Variants in PRR5 observed in about 807,000 individuals in gnomAD.
The protein encoded by PRR5 is proline-rich protein 5.
PRR5 carries 25 observed loss-of-function variants against 30.6 expected under a neutral mutation model. That is an observed-to-expected ratio of 0.82 (90% CI 0.60 to 1.14). PRR5 has a LOEUF of 1.14. Among genes scored for constraint, PRR5 ranks in the 50% most tolerant of loss-of-function variants. The probability of loss-of-function intolerance (pLI) is 0.00; values close to 1 mark genes in which losing one functional copy is unlikely to be tolerated. For missense variants in PRR5, 600 were observed against 547.1 expected (o/e 1.10, Z -0.96); for synonymous variants, 286 against 247.1 (o/e 1.16, Z -1.48).
chr22:44,702,746 TTGCCCCGCCGGA>T (rs1926540748), intron 1 of PRR5, 138 bp downstream of exon 1: 13 of 1,188,942 alleles, frequency 1.1e-5, no homozygotes, highest in East Asian at 1.0e-4. Context: ...TGCAAAGAAC[TTGCCCCGCCGGA>T]GTGGTGCGGG....
chr22:44,692,476 GGGGCTCCTCCTCCCA>G (rs1382013318), intron 1 of PRR5, among the ~76,000 whole-genome samples: 1 of 118,060 alleles, frequency 8.5e-6, no homozygotes, highest in Non-Finnish European at 1.8e-5. Context: ...CTTCCTCCCG[GGGGCTCCTCCTCCCA>G]GGGCTCCTCC....
At chr22:44,736,739 C>G in intron 7 of PRR5, 33 bp from the exon 8 acceptor site, 3 of 1,522,330 alleles carry the variant, frequency 2.0e-6, no homozygotes, top group Non-Finnish European at 2.6e-6. Context: ...CCCAGGTGGC[C>G]TCTGGTGTGA....
chr22:44,703,214 G>A lies in PRR5; in HGVS notation c.134+606G>A, dbSNP rs946581257. Reference sequence around the variant, plus strand: ...CCAGCTTTGTTTGAGGAGCAAGTCCGGGATCTGGAAAAGAGACGGTTTATT... The same window carrying A: ...CCAGCTTTGTTTGAGGAGCAAGTCCAGGATCTGGAAAAGAGACGGTTTATT... On this transcript the variant is annotated intron_variant, in intron 1 of 7. Transcript: ENST00000336985. Among the ~76,000 whole-genome samples the A allele has an allele frequency of 3.4e-4, 52 of 152,266 alleles. 1 individual carries two copies. Among genetic ancestry groups the A allele is most frequent in the African/African-American group, 1.2e-3 (51 of 41,542 alleles).
At chr22:44,729,217 G>A (rs1230972759) in intron 4 of PRR5, 1 of 834,070 alleles carries the variant, frequency 1.2e-6, no homozygotes, top group Non-Finnish European at 1.4e-6. Context: ...AGACACCCTT[G>A]ACCTGGTCCA....
chr22:44,688,833 C>A (rs1426381082), intron 1 of PRR5, among the ~76,000 whole-genome samples: 1 of 152,048 alleles, frequency 6.6e-6, no homozygotes, highest in Non-Finnish European at 1.5e-5. Context: ...CCTAAAAATA[C>A]AAAAATTAGC....
In PRR5 at chr22:44,709,072, C is replaced by T. The variant is rs186502104; in HGVS notation, c.135-5519C>T. Among the ~76,000 whole-genome samples the T allele has an allele frequency of 1.9e-3, 277 of 147,154 alleles. 1 individual carries two copies. The highest frequency in any genetic ancestry group is 6.5e-3 in the African/African-American group (243 of 37,322). Reference sequence around the variant, plus strand: ...TTCAACCCAGGTCTCACCGGGAGCACGTGCTCATGGGGGTCTCTGAAGGCC... The same window carrying T: ...TTCAACCCAGGTCTCACCGGGAGCATGTGCTCATGGGGGTCTCTGAAGGCC... On this transcript the variant is annotated intron_variant, in intron 1 of 7. Coordinates refer to ENST00000336985, the MANE Select transcript of PRR5 (RefSeq NM_181333.4).
At chr22:44,710,340 G>A (rs1927994208) in intron 1 of PRR5, among the ~76,000 whole-genome samples, 1 of 152,134 alleles carries the variant, frequency 6.6e-6, no homozygotes, top group South Asian at 2.1e-4. Context: ...TTGGCCTCAG[G>A]AGGACTTACC....
chr22:44,732,666 C>T (rs1252725437), intron 6 of PRR5, among the ~76,000 whole-genome samples: 3 of 152,162 alleles, frequency 2.0e-5, no homozygotes, highest in Admixed American at 2.0e-4. Context: ...ACCCCCAGCA[C>T]GCACACGCAC....
intron 1 of PRR5, among the ~76,000 whole-genome samples, chr22:44,708,405 G>A (rs892198434): frequency 6.6e-6 from 1 of 151,994 alleles, no homozygotes; most frequent in African/African-American, 2.4e-5. Flanking sequence ...CCATAGCTAG[G>A]GTCAGAGCAC....
At chr22:44,677,173 G>A (rs1923835291) in exon 1 of PRR5, 1 of 152,390 alleles carries the variant, frequency 6.6e-6, no homozygotes. Context: ...GAGACCCGTG[G>A]GCTGGGATTC....
intron 7 of PRR5, 125 bp from the exon 8 acceptor site, chr22:44,736,647 C>A: frequency 6.9e-7 from 1 of 1,442,720 alleles, no homozygotes; most frequent in Non-Finnish European, 9.1e-7. Flanking sequence ...CTGAGCCGGG[C>A]CCCGGGTCGG....
At chr22:44,704,831 A>T (rs1229024884) in intron 1 of PRR5, among the ~76,000 whole-genome samples, 1 of 152,020 alleles carries the variant, frequency 6.6e-6, no homozygotes, top group African/African-American at 2.4e-5. Context: ...TCCCCAGCAG[A>T]TGTGGGAGAT....
chr22:44,675,762 GTTATTATTATTATTA>G (rs150864660), upstream of PRR5, among the ~76,000 whole-genome samples: 2 of 142,962 alleles, frequency 1.4e-5, no homozygotes, highest in African/African-American at 5.1e-5. Flanking sequence ...TGTTGCTGTT[GTTATTATTATTATTA>G]TTATTATTAT....
intron 1 of PRR5, among the ~76,000 whole-genome samples, chr22:44,693,385 G>C (rs1925453890): frequency 6.6e-6 from 1 of 151,960 alleles, no homozygotes; most frequent in Non-Finnish European, 1.5e-5. Context: ...CCTGAGCCCA[G>C]GAGGTCAAGG....
chr22:44,711,134 G>A (rs1010504692), intron 1 of PRR5, among the ~76,000 whole-genome samples: 3 of 152,204 alleles, frequency 2.0e-5, no homozygotes, highest in East Asian at 1.9e-4. Flanking sequence ...AGGGAAGGGC[G>A]TGCCATGGCG....
Position 44,702,485 on chromosome 22 carries a change from T to G in PRR5, c.11T>G (p.Leu4Arg). The change falls in exon 1 of 8, where the codon CTC (leucine) becomes CGC (arginine). Residue 4 changes from leucine to arginine, a missense_variant. By Grantham distance (102) the Leu-to-Arg change is moderately radical. Transcript: ENST00000336985. ...GCGGCCCGGGTCACCATGAGGACTCTCCGCAGGTTGAAGTTCATGAGTTCG... is the reference window on the plus strand; with the variant it reads ...GCGGCCCGGGTCACCATGAGGACTCGCCGCAGGTTGAAGTTCATGAGTTCG... MRT[L>R]RRLKFMSSPS... 3 of 1,460,584 alleles carry G rather than the reference T, an allele frequency of 2.1e-6. No homozygotes were observed. Among genetic ancestry groups the G allele is most frequent in the Non-Finnish European group, 2.7e-6 (3 of 1,103,134 alleles). 90.5% of individuals were successfully genotyped at this position (1,460,584 alleles called of 1,614,324 possible). A position where few individuals can be genotyped will look rare whatever the true frequency, so the allele number is the denominator to read the frequency against.
upstream of PRR5, among the ~76,000 whole-genome samples, chr22:44,699,220 C>A (rs1482926494): frequency 6.6e-6 from 1 of 152,222 alleles, no homozygotes; most frequent in African/African-American, 2.4e-5. Flanking sequence ...CCTCCTCCTG[C>A]CTCCCACCTC....
Position 44,702,541 on chromosome 22 carries a change from C to A in PRR5, c.67C>A (p.Pro23Thr). 2 of 1,448,766 alleles carry A rather than the reference C, an allele frequency of 1.4e-6. No individual in the cohort carries two copies. The highest frequency in any genetic ancestry group is 9.1e-7 in the Non-Finnish European group (1 of 1,099,476). The allele number at this position is 1,448,766 out of a possible 1,614,324, so 89.7% of individuals were successfully genotyped here. ...CCTCAGTGACCTGGGCAAGAGAGAG[C>A]CGGCCGCCGCCGCGGACGAGCGGGG... The part of the protein sequence containing the change: ...PSLSDLGKRE[P>T]AAAADERGTQ... Residue 23 changes from proline (P) to threonine (T), a missense_variant, in exon 1 of 8, where the codon CCG (proline) becomes ACG (threonine). Physicochemically the swap from Pro to Thr is conservative, Grantham distance 38. Transcript: ENST00000336985.
chr22:44,698,782 T>C (rs1925994692), upstream of PRR5, among the ~76,000 whole-genome samples: 1 of 152,204 alleles, frequency 6.6e-6, no homozygotes. Flanking sequence ...GCACGCAGTT[T>C]GGTTTATTTT....
Sources: allele counts gnomAD v4.1 joint callset (sites outside exome capture counted in the v4.1 genomes callset), GRCh38; gene constraint gnomAD v4.1.1; transcripts MANE v1.5; gene names NCBI Gene and HGNC (gene_info 2026-07-23, HGNC 2026-07-21).